UBE2O: variants seen among roughly 807,000 people sequenced by gnomAD.
The protein encoded by UBE2O is ubiquitin conjugating enzyme E2 O, also known as (E3-independent) E2 ubiquitin-conjugating enzyme.
In UBE2O, 15 loss-of-function variants were observed where a neutral mutation model predicts 125.8. That is an observed-to-expected ratio of 0.12 (90% confidence interval 0.08 to 0.18). The LOEUF (loss-of-function observed/expected upper bound fraction) is 0.18. Among genes scored for constraint, UBE2O ranks in the 10% least tolerant of loss-of-function variants. UBE2O has a pLI of 1.00. For synonymous variants in UBE2O, 708 were observed against 703.2 expected (o/e 1.01, Z -0.11); for missense variants, 1,280 against 1,723.6 (o/e 0.74, Z 4.56).
intron 1 of UBE2O, among the ~76,000 whole-genome samples, chr17:76,408,671 G>T (rs2072464505): frequency 6.6e-6 from 1 of 152,188 alleles, no homozygotes; most frequent in African/African-American, 2.4e-5. Context: ...TGCCTGCTAG[G>T]CACAGTTTGC....
chr17:76,390,071 A>G lies in UBE2O; in HGVS notation c.*872T>C, dbSNP rs1460265498. On this transcript the variant is annotated 3_prime_UTR_variant, in exon 18 of 18. Coordinates refer to ENST00000319380, the MANE Select transcript of UBE2O (RefSeq NM_022066.4). The stretch of plus-strand genomic sequence containing the variant: ...CTGACAGTAGGCCTTCTAGTCCAAG[A>G]GAGGGCTGGCTCGCTTGGAGTTCAG... 2 of 152,536 alleles carry G rather than the reference A, an allele frequency of 1.3e-5. No homozygotes were observed. The highest frequency in any genetic ancestry group is 4.8e-5 in the African/African-American group (2 of 41,446). 9.4% of individuals were successfully genotyped at this position (152,536 alleles called of 1,614,324 possible).
At chr17:76,394,324 C>T (rs1219475700) in intron 15 of UBE2O, among the ~76,000 whole-genome samples, 1 of 152,196 alleles carries the variant, frequency 6.6e-6, no homozygotes, top group Non-Finnish European at 1.5e-5. Context: ...TAAGGGACTG[C>T]GGAGTCAACA....
chr17:76,408,215 G>C (rs1364657643), intron 1 of UBE2O, among the ~76,000 whole-genome samples: 2 of 152,040 alleles, frequency 1.3e-5, no homozygotes, highest in Non-Finnish European at 2.9e-5. Context: ...GCCTTTCAGT[G>C]CCCCCGTCAG....
In UBE2O at chr17:76,390,322, C is replaced by G. The variant is rs2072083312; in HGVS notation, c.*621G>C. The G allele has an allele frequency of 6.5e-6, 1 of 152,740 alleles. No individual in the cohort carries two copies. Among genetic ancestry groups the G allele is most frequent in the South Asian group, 2.1e-4 (1 of 4,842 alleles). 9.5% of individuals were successfully genotyped at this position (152,740 alleles called of 1,614,324 possible). A position where few individuals can be genotyped will look rare whatever the true frequency, so the allele number is the denominator to read the frequency against. On this transcript the variant is annotated 3_prime_UTR_variant, in exon 18 of 18. Transcript: ENST00000319380. ...GGAACCTAGCCTGGTCCCAACCTCT[C>G]TTAGAGAGCAAGTTCAACAGGCCTG...
chr17:76,396,304 T>C lies in UBE2O; in HGVS notation c.2633A>G (p.Lys878Arg). The change falls in exon 14 of 18, where the codon AAG becomes AGG. Residue 878 changes from lysine to arginine, a missense_variant. Lys to Arg is a conservative substitution (Grantham distance 26). Around this residue, in one of 10 missense-constraint regions of UBE2O, gnomAD observed 116 missense variants for 154.8 expected, o/e 0.75. Transcript: ENST00000319380. This position sits in a 1 kb window ranked among gnomAD's most constrained non-coding sequence, Gnocchi z 6.7. Reference protein sequence around the residue: ...LDNVAIVEEEKMEAVPDVERK... With the variant: ...LDNVAIVEEERMEAVPDVERK... ...CTCTACGTCGGGCACTGCTTCCATC[T>C]TCTCCTCCTCTACAATGGCCACATT... 1 of 1,614,238 alleles carries C rather than the reference T, an allele frequency of 6.2e-7. No homozygotes were observed.
chr17:76,421,100 T>C (rs1598606125), intron 1 of UBE2O, among the ~76,000 whole-genome samples: 3 of 152,230 alleles, frequency 2.0e-5, no homozygotes, highest in Middle Eastern at 3.4e-3. Context: ...GCACCACCCA[T>C]TTGCTAAGTG....
At position 76,399,218 on chromosome 17, in the gene UBE2O, C is replaced by T. The variant is rs2072271603; in HGVS notation, c.1629-227G>A. 6.8e-6 allele frequency: 5 copies of T among 730,478 alleles called. No individual in the cohort carries two copies. Among genetic ancestry groups the T allele is most frequent in the Admixed American group, 5.8e-5 (2 of 34,228 alleles). 45.2% of individuals were successfully genotyped at this position (730,478 alleles called of 1,614,324 possible). Reference sequence around the variant, plus strand: ...GGGAGAGCTCAGGCAAATGTGGTTCCAGAAGGCCAAGCTTAAGGCCACCAC... The same window carrying T: ...GGGAGAGCTCAGGCAAATGTGGTTCTAGAAGGCCAAGCTTAAGGCCACCAC... On this transcript the variant is annotated intron_variant, in intron 9 of 17. Transcript: ENST00000319380. The surrounding 1 kb of genome is among the most constrained non-coding windows in gnomAD (Gnocchi z 6.9).
At chr17:76,421,916 C>A (rs931081091) in intron 1 of UBE2O, among the ~76,000 whole-genome samples, 3 of 152,202 alleles carry the variant, frequency 2.0e-5, no homozygotes, top group African/African-American at 7.2e-5. Context: ...CGCCACCAGA[C>A]TGCATCTGAG....
intron 1 of UBE2O, among the ~76,000 whole-genome samples, chr17:76,449,995 G>T (rs2073211040): frequency 1.3e-5 from 2 of 151,902 alleles, no homozygotes; most frequent in South Asian, 4.1e-4. Flanking sequence ...GGAGGCTGAG[G>T]CAGGAGGATT....
chr17:76,447,094 T>G (rs962909108), intron 1 of UBE2O, among the ~76,000 whole-genome samples: 4 of 152,182 alleles, frequency 2.6e-5, no homozygotes, highest in Admixed American at 6.5e-5. Flanking sequence ...CTTCCTCACT[T>G]GTAGTACCTC....
At chr17:76,434,093 G>A (rs192645367) in intron 1 of UBE2O, among the ~76,000 whole-genome samples, 8 of 152,272 alleles carry the variant, frequency 5.3e-5, no homozygotes, top group African/African-American at 1.9e-4. Context: ...AAAGAAGTCT[G>A]TTTTCTTTGT....
intron 1 of UBE2O, chr17:76,430,820 G>T: frequency 3.1e-6 from 1 of 324,230 alleles, no homozygotes; most frequent in South Asian, 2.9e-5. Context: ...TTGGCCCTTT[G>T]GGCTCACACC....
At position 76,395,550 on chromosome 17, in the gene UBE2O, GCTGAGTCAGCCCTCACCTGA is replaced by G; in HGVS notation, c.2946+155_2946+174del. The G allele has an allele frequency of 1.5e-6, 1 of 685,168 alleles. No individual in the cohort carries two copies. Among genetic ancestry groups the G allele is most frequent in the Non-Finnish European group, 2.4e-6 (1 of 413,048 alleles). 42.4% of individuals were successfully genotyped at this position (685,168 alleles called of 1,614,324 possible). ...AAGAACCATCTGGCCTGGACACACG[GCTGAGTCAGCCCTCACCTGA>G]CTGAGCCTGTGACCGCCCCTGTAAA... is the stretch of plus-strand genomic sequence containing the variant. On this transcript the variant is annotated intron_variant, in intron 15 of 17. Coordinates refer to ENST00000319380, the MANE Select transcript of UBE2O (RefSeq NM_022066.4). This position sits in a 1 kb window ranked among gnomAD's most constrained non-coding sequence, Gnocchi z 5.0.
Position 76,395,782 on chromosome 17 carries a change from C to T in UBE2O, c.2889G>A (p.Ala963=), listed in dbSNP as rs1208615753. The change falls in exon 15 of 18, where the codon GCG becomes GCA. Residue 963 remains alanine, a synonymous_variant. Transcript: ENST00000319380. This position sits in a 1 kb window ranked among gnomAD's most constrained non-coding sequence, Gnocchi z 5.0. ...KFFSTVRKEM[A]LLATSLPEGI... Reference sequence around the variant, plus strand: ...CCTCAGGCAGTGAGGTAGCCAGCAGCGCCATCTCCTTCCGCACTGTGCTGA... The same window carrying T: ...CCTCAGGCAGTGAGGTAGCCAGCAGTGCCATCTCCTTCCGCACTGTGCTGA... 7 of 1,614,204 alleles carry T rather than the reference C, an allele frequency of 4.3e-6. No homozygotes were observed. The highest frequency in any genetic ancestry group is 2.2e-5 in the East Asian group (1 of 44,890).
Position 76,405,655 on chromosome 17 carries a change from C to T in UBE2O, c.418-83G>A, listed in dbSNP as rs374702723. ...TTTTCTTCCAGCTTCTGAAGGAAAG[C>T]GTCACATCCACACTGCTAAGTGCAC... On this transcript the variant is annotated intron_variant, in intron 1 of 17. Transcript: ENST00000319380. This position sits in a 1 kb window ranked among gnomAD's most constrained non-coding sequence, Gnocchi z 6.1. The T allele has an allele frequency of 7.3e-6, 9 of 1,238,806 alleles. No individual in the cohort carries two copies. In the East Asian group the frequency reaches 7.5e-5, roughly 10 times the overall value. The allele number at this position is 1,238,806 out of a possible 1,614,324, so 76.7% of individuals were successfully genotyped here. A position where few individuals can be genotyped will look rare whatever the true frequency, so the allele number is the denominator to read the frequency against.
chr17:76,440,052 C>G (rs2073054074), intron 1 of UBE2O, among the ~76,000 whole-genome samples: 1 of 152,190 alleles, frequency 6.6e-6, no homozygotes. Flanking sequence ...TTCTGTGCTT[C>G]TCTTACCTTC....
chr17:76,414,126 G>C lies in UBE2O; in HGVS notation c.418-8554C>G, dbSNP rs562622635. Among the ~76,000 whole-genome samples, 13 of 152,334 alleles carry C rather than the reference G, an allele frequency of 8.5e-5. No individual in the cohort carries two copies. In the South Asian group the frequency reaches 1.9e-3, roughly 22 times the overall value. On this transcript the variant is annotated intron_variant, in intron 1 of 17. Transcript: ENST00000319380. ...CCAGCAAAGCACAAATGGCCAGGGG[G>C]CCTCACATGCTTGGGGGAGGGGAGG...
chr17:76,418,922 C>A (rs1487489704), intron 1 of UBE2O, among the ~76,000 whole-genome samples: 3 of 152,052 alleles, frequency 2.0e-5, no homozygotes, highest in Admixed American at 2.0e-4. Context: ...GATTTTTCAA[C>A]CCAAACCCAT....
intron 1 of UBE2O, among the ~76,000 whole-genome samples, chr17:76,428,457 G>A (rs908389607): frequency 4.6e-5 from 7 of 152,128 alleles, no homozygotes; most frequent in African/African-American, 1.2e-4. Context: ...TTTAATTTCC[G>A]AGAACTCTTT....
Sources: gnomAD v4.1 joint callset for allele counts (sites outside exome capture counted in the v4.1 genomes callset) on GRCh38, gnomAD v4.1.1 for gene constraint, gnomAD v4.1.1 regional missense constraint, Gnocchi (gnomAD v3.1) non-coding constraint, MANE v1.5 for transcripts, NCBI Gene and HGNC (gene_info 2026-07-23, HGNC 2026-07-21) for gene names.